Variants in ARHGAP21 observed in about 807,000 individuals in gnomAD.
The protein encoded by ARHGAP21 is rho GTPase-activating protein 21.
A neutral mutation model predicts 164.6 loss-of-function variants in ARHGAP21; 38 were observed. The observed-to-expected ratio is 0.23, with a 90% CI of 0.18 to 0.30. ARHGAP21 has a LOEUF of 0.30. Ranked by LOEUF, ARHGAP21 falls within the 10% of genes least tolerant of loss-of-function variation. The pLI is 1.00. For synonymous variants in ARHGAP21, 766 were observed against 857.9 expected (o/e 0.89, Z 1.87); for missense variants, 1,822 against 2,370.7 (o/e 0.77, Z 4.81).
At position 24,633,495 on chromosome 10, in the gene ARHGAP21, TA is replaced by T; in HGVS notation, c.362-16del. 6.3e-7 allele frequency: 1 copy of T among 1,584,862 alleles called. No homozygotes were observed. The highest frequency in any genetic ancestry group is 8.6e-7 in the Non-Finnish European group (1 of 1,158,582). The stretch of plus-strand genomic sequence containing the variant: ...AATTCGGTCACCTTCAAAGAGAAGT[TA>T]AAAAACAAATGAGAGATCCTGCAGA... On this transcript the variant is annotated splice_polypyrimidine_tract_variant and intron_variant, in intron 5 of 25. Transcript: ENST00000396432.
chr10:24,630,711 T>TGGCCTCCTGGTCA (rs1397157921), intron 6 of ARHGAP21, among the ~76,000 whole-genome samples: 4 of 152,296 alleles, frequency 2.6e-5, no homozygotes, highest in African/African-American at 9.6e-5. Flanking sequence ...CATGCTGATC[T>TGGCCTCCTGGTCA]GGAATTCCTG....
At chr10:24,676,143 G>A (rs979918765) in intron 2 of ARHGAP21, among the ~76,000 whole-genome samples, 13 of 152,142 alleles carry the variant, frequency 8.5e-5, no homozygotes, top group African/African-American at 2.4e-4. Flanking sequence ...GAGAGACTCC[G>A]TGTCAGGGGG....
At chr10:24,675,078 T>C (rs1288010665) in intron 2 of ARHGAP21, among the ~76,000 whole-genome samples, 1 of 152,270 alleles carries the variant, frequency 6.6e-6, no homozygotes, top group Non-Finnish European at 1.5e-5. Context: ...ATTCTACTCA[T>C]AGAGAAATTG....
Position 24,635,993 on chromosome 10 carries a change from A to C in ARHGAP21, c.269-890T>G, listed in dbSNP as rs570580456. 1.0e-3 allele frequency among the ~76,000 whole-genome samples: 152 copies of C among 152,358 alleles called. 1 individual carries two copies. Among genetic ancestry groups the C allele is most frequent in the African/African-American group, 3.5e-3 (144 of 41,588 alleles). On this transcript the variant is annotated intron_variant, in intron 4 of 25. Coordinates refer to ENST00000396432, the MANE Select transcript of ARHGAP21 (RefSeq NM_020824.4). Reference sequence around the variant, plus strand: ...ATAAAAAACAATCAGAGACAAATACAAAATACAGTCATGGCAATGAGGAGA... The same window carrying C: ...ATAAAAAACAATCAGAGACAAATACCAAATACAGTCATGGCAATGAGGAGA...
rs539622675 is a variant in ARHGAP21 at position 24,664,504 on chromosome 10, C to T, written c.268+2481G>A. 4.0e-5 allele frequency among the ~76,000 whole-genome samples: 6 copies of T among 150,128 alleles called. No individual in the cohort carries two copies. In the South Asian group the frequency reaches 6.4e-4, roughly 16 times the overall value. ...CCAGGAGGAGGAGGTGGCATTGAGCCGAGATCATGCCACTGCACTTCAGCC... is the reference window on the plus strand; with the variant it reads ...CCAGGAGGAGGAGGTGGCATTGAGCTGAGATCATGCCACTGCACTTCAGCC... On this transcript the variant is annotated intron_variant, in intron 4 of 25. Coordinates refer to ENST00000396432, the MANE Select transcript of ARHGAP21 (RefSeq NM_020824.4).
At chr10:24,633,149 T>G (rs1334348743) in intron 6 of ARHGAP21, among the ~76,000 whole-genome samples, 1 of 152,162 alleles carries the variant, frequency 6.6e-6, no homozygotes, top group Admixed American at 6.5e-5. Flanking sequence ...ACACAGTAAA[T>G]CTAAAGTGTG....
chr10:24,638,133 G>A (rs1216119577), intron 4 of ARHGAP21, among the ~76,000 whole-genome samples: 1 of 151,976 alleles, frequency 6.6e-6, no homozygotes, highest in Non-Finnish European at 1.5e-5. Flanking sequence ...CCAAAGTGCT[G>A]GGATTACAGG....
At chr10:24,609,873 T>C (rs935546496) in intron 9 of ARHGAP21, among the ~76,000 whole-genome samples, 4 of 152,206 alleles carry the variant, frequency 2.6e-5, no homozygotes, top group African/African-American at 9.6e-5. Flanking sequence ...TTCAAAAGCA[T>C]CATGCTGTCA....
chr10:24,718,306 T>C (rs1411815176), intron 2 of ARHGAP21, among the ~76,000 whole-genome samples: 1 of 152,146 alleles, frequency 6.6e-6, no homozygotes, highest in South Asian at 2.1e-4. Context: ...GCCTGGGGAA[T>C]ATCCCCCAAA....
intron 2 of ARHGAP21, among the ~76,000 whole-genome samples, chr10:24,704,862 G>C (rs1486102439): frequency 6.6e-6 from 1 of 152,072 alleles, no homozygotes; most frequent in Admixed American, 6.6e-5. Flanking sequence ...CAAGGTGCTG[G>C]TATTACAGGC....
chr10:24,603,007 C>G (rs532266192), intron 12 of ARHGAP21, among the ~76,000 whole-genome samples: 9 of 152,148 alleles, frequency 5.9e-5, no homozygotes, highest in African/African-American at 9.7e-5. Context: ...CTAATCATCA[C>G]GTAAACCTTG....
chr10:24,600,693 G>C lies in ARHGAP21; in HGVS notation c.3085C>G (p.Leu1029Val). The change falls in exon 14 of 26, where the codon CTA (leucine) becomes GTA (valine). Residue 1029 changes from leucine to valine, a missense_variant. Transcript: ENST00000396432. ...LFQAEDRDDMLAWIKTIQESS... is the reference protein window; with the variant it reads ...LFQAEDRDDMVAWIKTIQESS... Reference sequence around the variant, plus strand: ...TCCTGGATCGTCTTGATCCAAGCTAGCATATCATCTCTGTCTTCAGCCTGA... The same window carrying C: ...TCCTGGATCGTCTTGATCCAAGCTACCATATCATCTCTGTCTTCAGCCTGA... 1.2e-6 allele frequency: 2 copies of C among 1,613,928 alleles called. No homozygotes were observed. Among genetic ancestry groups the C allele is most frequent in the East Asian group, 2.2e-5 (1 of 44,870 alleles).
chr10:24,633,909 T>TTG (rs1362235101), intron 5 of ARHGAP21, among the ~76,000 whole-genome samples: 3 of 140,942 alleles, frequency 2.1e-5, no homozygotes, highest in Non-Finnish European at 4.5e-5. Context: ...TTTTTTTTTT[T>TTG]TGAGACAGAG....
intron 2 of ARHGAP21, among the ~76,000 whole-genome samples, chr10:24,674,463 G>A (rs563877439): frequency 6.6e-6 from 1 of 152,316 alleles, no homozygotes; most frequent in Admixed American, 6.5e-5. Flanking sequence ...GGAGGTTGCA[G>A]CAAGCCGAGA....
intron 2 of ARHGAP21, among the ~76,000 whole-genome samples, chr10:24,697,773 T>A (rs1489505180): frequency 6.6e-6 from 1 of 151,854 alleles, no homozygotes; most frequent in Non-Finnish European, 1.5e-5. Flanking sequence ...GGCAGGAGAA[T>A]CGCTTGAACC....
At chr10:24,596,922 G>T in intron 16 of ARHGAP21, 40 bp from the exon 17 acceptor site, 1 of 1,567,228 alleles carries the variant, frequency 6.4e-7, no homozygotes, top group East Asian at 2.3e-5. Flanking sequence ...ATAATAAAAT[G>T]GAAATGAGTG....
intron 2 of ARHGAP21, among the ~76,000 whole-genome samples, chr10:24,720,254 C>CAAAAAAA (rs55746821): frequency 5.2e-5 from 7 of 133,824 alleles, no homozygotes; most frequent in Non-Finnish European, 7.9e-5. Flanking sequence ...CTTAAATGAC[C>CAAAAAAA]AAAAAAAAAA....
At position 24,600,725 on chromosome 10, in the gene ARHGAP21, C is replaced by T. The variant is rs1227762637; in HGVS notation, c.3053G>A (p.Cys1018Tyr). The change falls in exon 14 of 26, where the codon TGC (cysteine) becomes TAC (tyrosine). Residue 1018 changes from cysteine (C) to tyrosine (Y), a missense_variant. Physicochemically the swap from Cys to Tyr is radical, Grantham distance 194. Around this residue, in one of 5 missense-constraint regions of ARHGAP21, gnomAD observed 1,090 missense variants for 1,378.9 expected, o/e 0.79. Coordinates refer to ENST00000396432, the MANE Select transcript of ARHGAP21 (RefSeq NM_020824.4). ...VFRLTTSDCECLFQAEDRDDM... is the reference protein window; with the variant it reads ...VFRLTTSDCEYLFQAEDRDDM... ...ATCTCTGTCTTCAGCCTGAAACAGGCATTCACAGTCGGACGTGGTGAGTCG... is the reference window on the plus strand; with the variant it reads ...ATCTCTGTCTTCAGCCTGAAACAGGTATTCACAGTCGGACGTGGTGAGTCG... The T allele has an allele frequency of 6.2e-7, 1 of 1,613,978 alleles. No homozygotes were observed. Among genetic ancestry groups the T allele is most frequent in the Non-Finnish European group, 8.5e-7 (1 of 1,179,864 alleles).
At chr10:24,702,396 G>T (rs1230554486) in intron 2 of ARHGAP21, among the ~76,000 whole-genome samples, 1 of 151,906 alleles carries the variant, frequency 6.6e-6, no homozygotes, top group Non-Finnish European at 1.5e-5. Flanking sequence ...CTCCCAAAGT[G>T]CTAGGATTAC....
Sources: allele counts gnomAD v4.1 joint callset (sites outside exome capture counted in the v4.1 genomes callset), GRCh38; gene constraint gnomAD v4.1.1; regional missense constraint gnomAD v4.1.1; transcripts MANE v1.5; gene names NCBI Gene and HGNC (gene_info 2026-07-23, HGNC 2026-07-21).